Variants in PTPRT observed in about 807,000 individuals in gnomAD.
PTPRT encodes the protein receptor-type tyrosine-protein phosphatase T.
In PTPRT, 56 loss-of-function variants were observed where a neutral mutation model predicts 176.8. The observed-to-expected ratio is 0.32, with a 90% CI of 0.26 to 0.40. The LOEUF is 0.40. PTPRT is among the 10% of genes least tolerant of loss of function. The pLI is 1.00. For synonymous variants in PTPRT, 783 were observed against 739.0 expected (o/e 1.06, Z -0.96); for missense variants, 1,540 against 1,908.2 (o/e 0.81, Z 3.60).
chr20:43,097,858 T>A (rs2012230847), intron 1 of PTPRT, among the ~76,000 whole-genome samples: 1 of 152,176 alleles, frequency 6.6e-6, no homozygotes, highest in South Asian at 2.1e-4. Flanking sequence ...CTTAAGTATC[T>A]TCTGTGTGGC....
At chr20:42,441,193 T>C (rs576146298) in intron 9 of PTPRT, among the ~76,000 whole-genome samples, 1 of 152,050 alleles carries the variant, frequency 6.6e-6, no homozygotes, top group Non-Finnish European at 1.5e-5. Context: ...CAAGTGCAGA[T>C]TGTGGAAATG....
chr20:42,648,440 T>A (rs1471210852), intron 7 of PTPRT, among the ~76,000 whole-genome samples: 1 of 152,042 alleles, frequency 6.6e-6, no homozygotes, highest in Non-Finnish European at 1.5e-5. Context: ...ATGTGTTGAA[T>A]CACTACACAG....
rs1316464006 is a variant in PTPRT, at chr20:42,352,131, T to G, written c.1715A>C (p.Lys572Thr). Residue 572 changes from lysine (K) to threonine (T), a missense_variant, in exon 10 of 31, where the codon AAG (lysine) becomes ACG (threonine). Transcript: ENST00000373187. ...YSFTIKASTA[K>T]GFGPPVTTRI... is the part of the protein sequence containing the mutation. Reference sequence around the variant, plus strand: ...AGTGGTGACAGGGGGCCCAAAGCCCTTTGCTGTGCTGGCCTTGATGGTGAA... The same window carrying G: ...AGTGGTGACAGGGGGCCCAAAGCCCGTTGCTGTGCTGGCCTTGATGGTGAA... The G allele has an allele frequency of 6.2e-7, 1 of 1,614,188 alleles. No homozygotes were observed. Among genetic ancestry groups the G allele is most frequent in the Non-Finnish European group, 8.5e-7 (1 of 1,180,026 alleles).
chr20:42,295,812 G>A (rs1446560334), intron 12 of PTPRT, among the ~76,000 whole-genome samples: 1 of 152,160 alleles, frequency 6.6e-6, no homozygotes, highest in Non-Finnish European at 1.5e-5. Flanking sequence ...GATCATAGGG[G>A]TGGTTCCCAC....
intron 1 of PTPRT, among the ~76,000 whole-genome samples, chr20:43,000,977 C>T (rs577062912): frequency 6.6e-6 from 1 of 152,218 alleles, no homozygotes. Flanking sequence ...CACTTGGTCA[C>T]CTGCAAAGGA....
chr20:42,800,331 A>C (rs1380266214), intron 2 of PTPRT, among the ~76,000 whole-genome samples: 1 of 152,164 alleles, frequency 6.6e-6, no homozygotes, highest in Non-Finnish European at 1.5e-5. Flanking sequence ...AACTCCCTGG[A>C]GTTAGCTGGC....
intron 13 of PTPRT, among the ~76,000 whole-genome samples, chr20:42,281,732 T>C (rs1463023145): frequency 6.6e-6 from 1 of 152,100 alleles, no homozygotes; most frequent in Non-Finnish European, 1.5e-5. Context: ...GGGAACAGAG[T>C]AGAATTGCCC....
chr20:42,360,229 G>A (rs780472682), intron 9 of PTPRT, among the ~76,000 whole-genome samples: 39 of 152,252 alleles, frequency 2.6e-4, no homozygotes, highest in Non-Finnish European at 4.0e-4. Flanking sequence ...CACTTTAGGT[G>A]AGTGTATTCC....
At chr20:42,568,782 G>T (rs910794373) in intron 7 of PTPRT, among the ~76,000 whole-genome samples, 10 of 151,838 alleles carry the variant, frequency 6.6e-5, no homozygotes, top group Non-Finnish European at 1.3e-4. Context: ...AGGCACGGTG[G>T]CTCATGCCTG....
intron 1 of PTPRT, among the ~76,000 whole-genome samples, chr20:43,064,890 T>C (rs556079269): frequency 7.2e-5 from 11 of 152,354 alleles, no homozygotes; most frequent in Non-Finnish European, 1.6e-4. Context: ...ACAGAGCTTA[T>C]TTCTAGACTT....
intron 1 of PTPRT, among the ~76,000 whole-genome samples, chr20:43,151,723 CAT>C (rs2014361517): frequency 6.6e-6 from 1 of 152,020 alleles, no homozygotes; most frequent in African/African-American, 2.4e-5. Flanking sequence ...ATTAGCCAGG[CAT>C]GGTGGCACAT....
intron 7 of PTPRT, among the ~76,000 whole-genome samples, chr20:42,551,503 G>T (rs2072769645): frequency 6.6e-6 from 1 of 152,122 alleles, no homozygotes; most frequent in African/African-American, 2.4e-5. Flanking sequence ...GCTAAACAGA[G>T]ATTTTTTTTG....
intron 1 of PTPRT, among the ~76,000 whole-genome samples, chr20:43,124,657 C>A (rs1444228840): frequency 6.6e-6 from 1 of 152,236 alleles, no homozygotes; most frequent in African/African-American, 2.4e-5. Flanking sequence ...TTCACGCATT[C>A]AACGATCCAA....
intron 15 of PTPRT, among the ~76,000 whole-genome samples, chr20:42,223,091 A>G (rs1466545229): frequency 1.3e-5 from 2 of 152,194 alleles, no homozygotes; most frequent in Non-Finnish European, 2.9e-5. Flanking sequence ...GTAGTGTGAG[A>G]GTAGAGAAAA....
intron 5 of PTPRT, among the ~76,000 whole-genome samples, chr20:42,757,272 A>G (rs2076848994): frequency 6.6e-6 from 1 of 152,078 alleles, no homozygotes; most frequent in Admixed American, 6.5e-5. Context: ...TTTTCCCTTA[A>G]GCAGAACTCA....
At chr20:42,706,637 T>G (rs2076064554) in intron 6 of PTPRT, among the ~76,000 whole-genome samples, 1 of 152,188 alleles carries the variant, frequency 6.6e-6, no homozygotes. Context: ...AGAATTGTTA[T>G]GTGCAAAGAT....
At chr20:42,175,562 T>G (rs1256459605) in intron 16 of PTPRT, among the ~76,000 whole-genome samples, 1 of 152,130 alleles carries the variant, frequency 6.6e-6, no homozygotes, top group Non-Finnish European at 1.5e-5. Context: ...GCATGAGGGA[T>G]CTTCCTGGCA....
intron 13 of PTPRT, among the ~76,000 whole-genome samples, chr20:42,254,302 A>G (rs1411143550): frequency 6.6e-6 from 1 of 152,210 alleles, no homozygotes; most frequent in Non-Finnish European, 1.5e-5. Flanking sequence ...AAAGTGGTCC[A>G]TCGACCAGAA....
chr20:43,182,406 T>C (rs1321573110), intron 1 of PTPRT, among the ~76,000 whole-genome samples: 2 of 151,782 alleles, frequency 1.3e-5, no homozygotes, highest in East Asian at 1.9e-4. Context: ...TTTTTTTTTT[T>C]CCGAGACACA....
Sources: allele counts gnomAD v4.1 joint callset (sites outside exome capture counted in the v4.1 genomes callset), GRCh38; gene constraint gnomAD v4.1.1; transcripts MANE v1.5; gene names NCBI Gene and HGNC (gene_info 2026-07-23, HGNC 2026-07-21).